The following B4GALT6 variants were observed in gnomAD, a reference collection of about 807,000 sequenced individuals.
B4GALT6 encodes the protein UDP-Gal:beta-GlcNAc beta-1,4-galactosyltransferase 6.
A neutral mutation model predicts 46.3 loss-of-function variants in B4GALT6; 14 were observed. That is an observed-to-expected ratio of 0.30 (90% CI 0.20 to 0.47). B4GALT6 has a LOEUF of 0.47. Ranked by LOEUF, B4GALT6 falls within the 20% of genes least tolerant of loss-of-function variation. The pLI is 0.99. For missense variants in B4GALT6, 386 were observed against 480.1 expected (o/e 0.80, Z 1.83); for synonymous variants, 168 against 162.0 (o/e 1.04, Z -0.28).
chr18:31,702,568 A>G, the B4GALT6 span, among the ~76,000 whole-genome samples: 1 of 152,180 alleles, frequency 6.6e-6, no homozygotes, highest in Non-Finnish European at 1.5e-5. Flanking sequence ...CAGTCATGCT[A>G]GATAATCTGA....
chr18:31,701,511 G>A, the B4GALT6 span, among the ~76,000 whole-genome samples: 1 of 152,080 alleles, frequency 6.6e-6, no homozygotes, highest in African/African-American at 2.4e-5. Flanking sequence ...TATAAAAGTG[G>A]CATTTTTTTC....
At chr18:31,699,839 T>C in the B4GALT6 span, among the ~76,000 whole-genome samples, 3 of 152,156 alleles carry the variant, frequency 2.0e-5, no homozygotes, top group Non-Finnish European at 4.4e-5. Context: ...AAAGAGAAGA[T>C]AGACAGTAGT....
the B4GALT6 span, among the ~76,000 whole-genome samples, chr18:31,692,561 A>C: frequency 4.9e-4 from 75 of 151,994 alleles, no homozygotes; most frequent in Non-Finnish European, 8.8e-4. Flanking sequence ...AAACTTCATA[A>C]AATAGGGATA....
rs771430457 is a variant in B4GALT6, at chr18:31,629,089, T to C, written c.776+1870A>G. ...CAGTAAATATATTTTCCCTCCCTTA[T>C]GATTTTCTTAATAACATCTTTTCTC... On this transcript the variant is annotated intron_variant, in intron 6 of 8. Coordinates refer to ENST00000306851, the MANE Select transcript of B4GALT6 (RefSeq NM_004775.5). 1.2e-4 allele frequency among the ~76,000 whole-genome samples: 19 copies of C among 152,338 alleles called. No individual in the cohort carries two copies. The South Asian group carries it at 2.3e-3, about 18-fold the overall frequency.
chr18:31,703,925 G>A, the B4GALT6 span, among the ~76,000 whole-genome samples: 4 of 152,174 alleles, frequency 2.6e-5, no homozygotes, highest in African/African-American at 9.7e-5. Context: ...TTAATAGTCA[G>A]TGCTTTATGA....
At chr18:31,648,807 T>C (rs2074023963) in intron 3 of B4GALT6, among the ~76,000 whole-genome samples, 1 of 152,226 alleles carries the variant, frequency 6.6e-6, no homozygotes, top group African/African-American at 2.4e-5. Flanking sequence ...CAAGTAAAAT[T>C]TAAGGCATAT....
upstream of B4GALT6, chr18:31,684,860 CCG>C: frequency 1.3e-6 from 1 of 798,796 alleles, no homozygotes; most frequent in African/African-American, 1.9e-5. Context: ...GCTCCGCTGC[CCG>C]CGCCCGGCGG....
intron 4 of B4GALT6, among the ~76,000 whole-genome samples, chr18:31,642,089 T>C (rs1035580263): frequency 2.8e-4 from 43 of 152,198 alleles, no homozygotes; most frequent in African/African-American, 1.0e-3. Context: ...GGAGCAGTTC[T>C]CAAACTGGAG....
upstream of B4GALT6, chr18:31,685,642 G>A (rs2074540381): frequency 6.6e-6 from 1 of 152,332 alleles, no homozygotes; most frequent in African/African-American, 2.4e-5. Context: ...CGGGGACCCC[G>A]CGGTGACCGC....
At chr18:31,659,368 T>G (rs763358186) in intron 2 of B4GALT6, among the ~76,000 whole-genome samples, 4 of 152,068 alleles carry the variant, frequency 2.6e-5, no homozygotes, top group Non-Finnish European at 5.9e-5. Flanking sequence ...ATTGTCACAA[T>G]GGAGTTGGTG....
At chr18:31,709,573 G>C in the B4GALT6 span, among the ~76,000 whole-genome samples, 1 of 144,138 alleles carries the variant, frequency 6.9e-6, no homozygotes, top group South Asian at 2.2e-4. Flanking sequence ...GTGTGTGTGT[G>C]TGTGTGTGTG....
At chr18:31,710,929 C>T in the B4GALT6 span, among the ~76,000 whole-genome samples, 1 of 151,968 alleles carries the variant, frequency 6.6e-6, no homozygotes, top group Non-Finnish European at 1.5e-5. Context: ...CAAAACCCTC[C>T]TCCATGTGTC....
chr18:31,708,219 A>G, the B4GALT6 span, among the ~76,000 whole-genome samples: 224 of 152,318 alleles, frequency 1.5e-3, no homozygotes, highest in African/African-American at 4.8e-3. Context: ...AGAACTACCT[A>G]TTTAATGAAT....
chr18:31,637,400 T>TC (rs78290710), intron 5 of B4GALT6, among the ~76,000 whole-genome samples: 55,340 of 150,806 alleles, frequency 0.37, 10,390 homozygotes, highest in Middle Eastern at 0.47. Context: ...CTTTTTTTTT[T>TC]TTTTTTTGAC....
the B4GALT6 span, among the ~76,000 whole-genome samples, chr18:31,699,880 A>G: frequency 6.6e-6 from 1 of 152,210 alleles, no homozygotes; most frequent in Non-Finnish European, 1.5e-5. Flanking sequence ...CCCATCTATC[A>G]TAGAAGGAAG....
the B4GALT6 span, among the ~76,000 whole-genome samples, chr18:31,717,941 C>T: frequency 9.4e-5 from 9 of 95,266 alleles, no homozygotes; most frequent in East Asian, 5.4e-4. Context: ...GCAAAAAGAG[C>T]GAAACTCCGT....
chr18:31,692,993 A>G, the B4GALT6 span, among the ~76,000 whole-genome samples: 3 of 152,198 alleles, frequency 2.0e-5, no homozygotes, highest in African/African-American at 7.2e-5. Flanking sequence ...GTTTTTAGCA[A>G]TGTTTAGAAT....
At chr18:31,710,173 G>A in the B4GALT6 span, among the ~76,000 whole-genome samples, 84,949 of 151,680 alleles carry the variant, frequency 0.56, 26,317 homozygotes, top group South Asian at 0.7. Context: ...CAATTGTCTG[G>A]TAACAATAAA....
At chr18:31,704,974 C>A in the B4GALT6 span, among the ~76,000 whole-genome samples, 3,269 of 152,108 alleles carry the variant, frequency 0.021, 101 homozygotes, top group African/African-American at 0.062. Context: ...AAGAATTTGA[C>A]GTAACTTGTA....
Sources: gnomAD v4.1 joint callset for allele counts (sites outside exome capture counted in the v4.1 genomes callset) on GRCh38, gnomAD v4.1.1 for gene constraint, MANE v1.5 for transcripts, NCBI Gene and HGNC (gene_info 2026-07-23, HGNC 2026-07-21) for gene names.